The following CYP46A1 variants were observed in gnomAD, a reference collection of about 807,000 sequenced individuals.
CYP46A1 encodes cytochrome P450 family 46 subfamily A member 1, also known as cholesterol 24-hydroxylase.
A neutral mutation model predicts 63.3 loss-of-function variants in CYP46A1; 20 were observed. The observed-to-expected ratio is 0.32, with a 90% CI of 0.22 to 0.46. The LOEUF is 0.46. Ranked by LOEUF, CYP46A1 falls within the 20% of genes least tolerant of loss-of-function variation. The probability of loss-of-function intolerance (pLI) is 1.00; values close to 1 mark genes in which losing one functional copy is unlikely to be tolerated. For synonymous variants in CYP46A1, 268 were observed against 273.6 expected (o/e 0.98, Z 0.20); for missense variants, 445 against 670.8 (o/e 0.66, Z 3.72).
intron 7 of CYP46A1, 59 bp downstream of exon 7, chr14:99,707,737 G>T: frequency 6.9e-7 from 1 of 1,451,178 alleles, no homozygotes; most frequent in South Asian, 1.2e-5. Context: ...TTCATTTGCT[G>T]AAGAACCTCC....
chr14:99,691,424 G>A (rs1221151302), intron 2 of CYP46A1: 3 of 585,228 alleles, frequency 5.1e-6, no homozygotes, highest in East Asian at 5.6e-5. Flanking sequence ...GTGGGGGGGT[G>A]TGACCAGGTA....
intron 1 of CYP46A1, among the ~76,000 whole-genome samples, chr14:99,690,327 C>G (rs2056532959): frequency 6.6e-6 from 1 of 152,240 alleles, no homozygotes; most frequent in South Asian, 2.1e-4. Flanking sequence ...CACCCACACA[C>G]TCATCCCCAG....
At chr14:99,720,990 C>A (rs1263957204) in intron 10 of CYP46A1, among the ~76,000 whole-genome samples, 2 of 152,012 alleles carry the variant, frequency 1.3e-5, no homozygotes, top group Non-Finnish European at 2.9e-5. Context: ...GAGGCTGAGG[C>A]GGGAGAATTG....
At chr14:99,706,869 C>A in intron 6 of CYP46A1, 84 bp downstream of exon 6, 1 of 1,486,850 alleles carries the variant, frequency 6.7e-7, no homozygotes, top group Non-Finnish European at 9.0e-7. Context: ...CTTCTCTCTT[C>A]CCCTCCCTCC....
Position 99,706,407 on chromosome 14 carries a change from T to C in CYP46A1, c.444-240T>C, listed in dbSNP as rs2056676278. ...ACCAACAGAGTACCTGTGGAACTGT[T>C]AGGACAAGAGCAAGGGAACAGCATC... is the stretch of plus-strand genomic sequence containing the variant. On this transcript the variant is annotated intron_variant, in intron 5 of 14. Transcript: ENST00000261835. 3 of 493,652 alleles carry C rather than the reference T, an allele frequency of 6.1e-6. No individual in the cohort carries two copies. The Admixed American group carries it at 1.0e-4, about 17-fold the overall frequency. The allele number at this position is 493,652 out of a possible 1,614,324, so 30.6% of individuals were successfully genotyped here.
intron 5 of CYP46A1, chr14:99,703,944 G>C (rs2056653507): frequency 1.1e-6 from 1 of 950,012 alleles, no homozygotes; most frequent in Non-Finnish European, 1.3e-6. Context: ...ATTGTGCCAA[G>C]AGCCAGGGTT....
chr14:99,696,260 A>G (rs1011650281), intron 3 of CYP46A1, among the ~76,000 whole-genome samples: 5 of 151,566 alleles, frequency 3.3e-5, no homozygotes, highest in African/African-American at 4.9e-5. Context: ...CATCTCTACT[A>G]TTGTCTTATT....
At position 99,707,548 on chromosome 14, in the gene CYP46A1, T is replaced by C. The variant is rs2056688677; in HGVS notation, c.583-20T>C. The C allele has an allele frequency of 6.2e-7, 1 of 1,609,708 alleles. No homozygotes were observed. Among genetic ancestry groups the C allele is most frequent in the African/African-American group, 1.3e-5 (1 of 74,946 alleles). ...CCCTTCTGTGCCCCAGGGATGACCT[T>C]GCCCTTCTCTCTCCCCCAGGCAGCT... On this transcript the variant is annotated intron_variant, in intron 6 of 14. Transcript: ENST00000261835.
intron 10 of CYP46A1, among the ~76,000 whole-genome samples, chr14:99,719,586 T>A (rs2056825279): frequency 6.6e-6 from 1 of 151,892 alleles, no homozygotes; most frequent in Admixed American, 6.6e-5. Flanking sequence ...TCCCCATCCC[T>A]GGTAACCACC....
chr14:99,717,377 G>A (rs115140774), intron 9 of CYP46A1, among the ~76,000 whole-genome samples: 161 of 152,264 alleles, frequency 1.1e-3, no homozygotes, highest in African/African-American at 3.8e-3. Flanking sequence ...GGCCGAGGAG[G>A]GAAGTGGCCT....
chr14:99,702,588 C>A (rs2140121757), intron 5 of CYP46A1, among the ~76,000 whole-genome samples: 1 of 152,138 alleles, frequency 6.6e-6, no homozygotes, highest in South Asian at 2.1e-4. Flanking sequence ...TCTTATATAT[C>A]TTTTACCCAG....
chr14:99,717,385 C>A (rs1312572480), intron 9 of CYP46A1, among the ~76,000 whole-genome samples: 3 of 152,104 alleles, frequency 2.0e-5, no homozygotes, highest in Admixed American at 1.3e-4. Context: ...AGGGAAGTGG[C>A]CTCCTATAGT....
In CYP46A1 at chr14:99,725,276, G is replaced by A. The variant is rs1467499987; in HGVS notation, c.1177-115G>A. On this transcript the variant is annotated intron_variant, in intron 12 of 14. Coordinates refer to ENST00000261835, the MANE Select transcript of CYP46A1 (RefSeq NM_006668.2). This position sits in a 1 kb window ranked among gnomAD's most constrained non-coding sequence, Gnocchi z 4.2. ...CTAGATGAGGGGTGAAGACATGGGGGGAGGAGAGTGGGACCCACTCTGCTC... is the reference window on the plus strand; with the variant it reads ...CTAGATGAGGGGTGAAGACATGGGGAGAGGAGAGTGGGACCCACTCTGCTC... The A allele has an allele frequency of 1.1e-5, 8 of 737,922 alleles. No individual in the cohort carries two copies. The highest frequency in any genetic ancestry group is 2.1e-5 in the Admixed American group (1 of 47,024). 45.7% of individuals were successfully genotyped at this position (737,922 alleles called of 1,614,324 possible). A position where few individuals can be genotyped will look rare whatever the true frequency, so the allele number is the denominator to read the frequency against.
chr14:99,725,257 G>A lies in CYP46A1; in HGVS notation c.1177-134G>A. The A allele has an allele frequency of 1.5e-6, 1 of 672,006 alleles. No individual in the cohort carries two copies. Among genetic ancestry groups the A allele is most frequent in the Non-Finnish European group, 2.7e-6 (1 of 372,106 alleles). 41.6% of individuals were successfully genotyped at this position (672,006 alleles called of 1,614,324 possible). ...CAGTGCAATGGACACCAACCTAGAT[G>A]AGGGGTGAAGACATGGGGGGAGGAG... On this transcript the variant is annotated intron_variant, in intron 12 of 14. Transcript: ENST00000261835. The surrounding 1 kb of genome is among the most constrained non-coding windows in gnomAD (Gnocchi z 4.2).
Position 99,684,539 on chromosome 14 carries a change from G to T in CYP46A1, c.119+3G>T, listed in dbSNP as rs2056472573. ...ATCCCCGGGCCGCCGCGGCCCAGGT[G>T]AGCGGGGCTGGGGGCGGGGCCTGGC... On this transcript the variant is annotated splice_donor_region_variant and intron_variant, in intron 1 of 14. Coordinates refer to ENST00000261835, the MANE Select transcript of CYP46A1 (RefSeq NM_006668.2). 1.4e-6 allele frequency: 2 copies of T among 1,462,614 alleles called. No homozygotes were observed. Among genetic ancestry groups the T allele is most frequent in the South Asian group, 1.3e-5 (1 of 76,078 alleles). 90.6% of individuals were successfully genotyped at this position (1,462,614 alleles called of 1,614,324 possible). A position where few individuals can be genotyped will look rare whatever the true frequency, so the allele number is the denominator to read the frequency against.
intron 14 of CYP46A1, 69 bp downstream of exon 14, chr14:99,726,325 A>G: frequency 6.5e-7 from 1 of 1,535,664 alleles, no homozygotes; most frequent in Non-Finnish European, 8.9e-7. Flanking sequence ...CTGAGCCGGG[A>G]AGCATCTCCG....
At chr14:99,715,486 T>G (rs921305105) in intron 7 of CYP46A1, among the ~76,000 whole-genome samples, 1 of 152,140 alleles carries the variant, frequency 6.6e-6, no homozygotes, top group Non-Finnish European at 1.5e-5. Flanking sequence ...TACTTCCCAC[T>G]GCTTGGGATT....
chr14:99,684,560 C>G (rs2056472823), intron 1 of CYP46A1, 24 bp downstream of exon 1: 2 of 1,433,742 alleles, frequency 1.4e-6, no homozygotes, highest in Non-Finnish European at 1.8e-6. Flanking sequence ...GGGGCGGGGC[C>G]TGGCTGGGGT....
intron 7 of CYP46A1, 189 bp downstream of exon 7, chr14:99,707,867 A>C: frequency 1.7e-6 from 1 of 583,896 alleles, no homozygotes; most frequent in Non-Finnish European, 3.0e-6. Flanking sequence ...AAATTGCCTT[A>C]AAGTAAATTA....
Sources: allele counts gnomAD v4.1 joint callset (sites outside exome capture counted in the v4.1 genomes callset), GRCh38; gene constraint gnomAD v4.1.1; non-coding constraint Gnocchi (gnomAD v3.1); transcripts MANE v1.5; gene names NCBI Gene and HGNC (gene_info 2026-07-23, HGNC 2026-07-21).